PHKB: variants seen among roughly 807,000 people sequenced by gnomAD.
The protein encoded by PHKB is phosphorylase kinase regulatory subunit beta.
A neutral mutation model predicts 152.1 loss-of-function variants in PHKB; 122 were observed. The ratio of observed to expected loss-of-function variants is 0.80; its 90% CI spans 0.69 to 0.93. The LOEUF (loss-of-function observed/expected upper bound fraction) is 0.93. Ranked by LOEUF, PHKB falls within the 40% of genes least tolerant of loss-of-function variation. The pLI is 0.00. For missense variants in PHKB, 1,304 were observed against 1,328.4 expected, an observed-to-expected ratio of 0.98 and a Z score of 0.29; for synonymous variants, 436 against 464.9, an observed-to-expected ratio of 0.94 and a Z score of 0.80.
chr16:47,565,759 C>T, intron 7 of PHKB: 1 of 1,503,094 alleles, frequency 6.7e-7, no homozygotes, highest in Non-Finnish European at 9.2e-7. Context: ...TGCAACTTCT[C>T]TTGTTCCTTC....
At chr16:47,661,132 C>G (rs1410565391) in intron 22 of PHKB, among the ~76,000 whole-genome samples, 2 of 152,174 alleles carry the variant, frequency 1.3e-5, no homozygotes, top group Non-Finnish European at 2.9e-5. Flanking sequence ...TGCCCTCTTT[C>G]TCCCTTTCTG....
intron 14 of PHKB, among the ~76,000 whole-genome samples, chr16:47,623,938 C>T (rs1385206986): frequency 2.0e-5 from 3 of 152,108 alleles, no homozygotes; most frequent in Admixed American, 2.0e-4. Context: ...GTGTCCTATA[C>T]TTCTTAAGAA....
chr16:47,606,638 C>T lies in PHKB; in HGVS notation c.1364-4188C>T, dbSNP rs147005058. On this transcript the variant is annotated intron_variant, in intron 13 of 30. Coordinates refer to ENST00000323584, the MANE Select transcript of PHKB (RefSeq NM_000293.3). ...TGCGGACTTGCTGGGTTGGAAAATA[C>T]GCTCACTGTAAATTTGTGTAGATAA... Among the ~76,000 whole-genome samples, 135 of 152,218 alleles carry T rather than the reference C, an allele frequency of 8.9e-4. 2 individuals are homozygous for T. Among genetic ancestry groups the T allele is most frequent in the East Asian group, 6.0e-3 (31 of 5,178 alleles).
At chr16:47,467,538 G>T (rs1407184154) in intron 1 of PHKB, among the ~76,000 whole-genome samples, 1 of 152,130 alleles carries the variant, frequency 6.6e-6, no homozygotes, top group Non-Finnish European at 1.5e-5. Flanking sequence ...GCTTCATGTA[G>T]CATGGAATTC....
chr16:47,542,539 A>T (rs1971078864), intron 6 of PHKB, among the ~76,000 whole-genome samples: 1 of 152,174 alleles, frequency 6.6e-6, no homozygotes, highest in Non-Finnish European at 1.5e-5. Context: ...CTGTGAAGAA[A>T]GTCCTTGGCA....
At chr16:47,575,239 T>C (rs961182857) in intron 7 of PHKB, among the ~76,000 whole-genome samples, 1 of 152,222 alleles carries the variant, frequency 6.6e-6, no homozygotes, top group African/African-American at 2.4e-5. Flanking sequence ...GGAACACTGA[T>C]ACATTGTTGG....
chr16:47,490,728 G>T (rs972777540), intron 1 of PHKB, among the ~76,000 whole-genome samples: 6 of 152,206 alleles, frequency 3.9e-5, no homozygotes, highest in African/African-American at 1.4e-4. Context: ...AAATTTTAAT[G>T]AAGCAAAAAC....
chr16:47,505,592 C>T (rs1313925088), intron 4 of PHKB: 1 of 152,192 alleles, frequency 6.6e-6, no homozygotes, highest in Non-Finnish European at 1.5e-5. Flanking sequence ...TAGTAGTATT[C>T]CCTTTCCCTT....
chr16:47,599,825 C>T (rs1226253756), intron 13 of PHKB, among the ~76,000 whole-genome samples: 3 of 152,344 alleles, frequency 2.0e-5, no homozygotes, highest in South Asian at 4.1e-4. Flanking sequence ...ATCTGGTTAA[C>T]AACCCACTGG....
intron 25 of PHKB, 99 bp from the exon 26 acceptor site, chr16:47,669,116 G>C: frequency 1.2e-6 from 1 of 847,522 alleles, no homozygotes; most frequent in Non-Finnish European, 2.0e-6. Flanking sequence ...CTTATATAGA[G>C]TAATTTCAGC....
Position 47,683,905 on chromosome 16 carries a change from C to T in PHKB, c.2631-5136C>T, listed in dbSNP as rs192913752. Among the ~76,000 whole-genome samples, 4 of 152,266 alleles carry T rather than the reference C, an allele frequency of 2.6e-5. No individual in the cohort carries two copies. The South Asian group carries it at 8.3e-4, about 32-fold the overall frequency. ...CTGTTCCTATTCGGCCATCTTGGCTCCACCTCCAATCATTTGTTTAACAGC... is the reference window on the plus strand; with the variant it reads ...CTGTTCCTATTCGGCCATCTTGGCTTCACCTCCAATCATTTGTTTAACAGC... On this transcript the variant is annotated intron_variant, in intron 26 of 30. Transcript: ENST00000323584.
intron 1 of PHKB, among the ~76,000 whole-genome samples, chr16:47,468,603 A>C (rs1163127060): frequency 6.6e-6 from 1 of 152,266 alleles, no homozygotes; most frequent in Non-Finnish European, 1.5e-5. Flanking sequence ...CAGTGAGCTG[A>C]GATCGTGCCA....
chr16:47,685,705 C>G (rs1973952467), intron 26 of PHKB, among the ~76,000 whole-genome samples: 1 of 151,464 alleles, frequency 6.6e-6, no homozygotes, highest in Admixed American at 6.6e-5. Context: ...ATTAGTTTGA[C>G]CAACAATTTT....
chr16:47,674,152 A>G (rs147100723), intron 26 of PHKB, among the ~76,000 whole-genome samples: 1,883 of 150,968 alleles, frequency 0.012, 23 homozygotes, highest in Non-Finnish European at 0.019. Flanking sequence ...GCCAGATGCC[A>G]GATTTTTTTT....
At chr16:47,617,770 A>T (rs1972544830) in intron 14 of PHKB, among the ~76,000 whole-genome samples, 2 of 152,166 alleles carry the variant, frequency 1.3e-5, no homozygotes. Context: ...CGGAAATGTG[A>T]TGGGAGTTTT....
intron 14 of PHKB, among the ~76,000 whole-genome samples, chr16:47,620,951 G>A (rs1007661352): frequency 6.6e-6 from 1 of 152,096 alleles, no homozygotes; most frequent in Non-Finnish European, 1.5e-5. Flanking sequence ...AGTTTAAAAT[G>A]GTATAAAGTG....
chr16:47,566,261 T>C lies in PHKB; in HGVS notation c.711-14034T>C, dbSNP rs1971564938. 8 of 866,262 alleles carry C rather than the reference T, an allele frequency of 9.2e-6. No homozygotes were observed. The Admixed American group carries it at 1.4e-4, about 15-fold the overall frequency. 53.7% of individuals were successfully genotyped at this position (866,262 alleles called of 1,614,324 possible). Reference sequence around the variant, plus strand: ...CAAAGCTATCATCACCTCTTCTAGGTGAGTAGTCATCAAAGCTGTCTGTGG... The same window carrying C: ...CAAAGCTATCATCACCTCTTCTAGGCGAGTAGTCATCAAAGCTGTCTGTGG... On this transcript the variant is annotated intron_variant, in intron 7 of 30. Transcript: ENST00000323584.
At chr16:47,675,959 A>T (rs947205392) in intron 26 of PHKB, 2 of 152,132 alleles carry the variant, frequency 1.3e-5, no homozygotes, top group African/African-American at 4.8e-5. Flanking sequence ...GTAAAAAGAT[A>T]CTTTTGTGTC....
chr16:47,608,560 A>C (rs1365226803), intron 13 of PHKB, among the ~76,000 whole-genome samples: 1 of 152,182 alleles, frequency 6.6e-6, no homozygotes, highest in Non-Finnish European at 1.5e-5. Context: ...AAAAACACAA[A>C]AATTAACCAG....
Sources: allele counts gnomAD v4.1 joint callset (sites outside exome capture counted in the v4.1 genomes callset), GRCh38; gene constraint gnomAD v4.1.1; transcripts MANE v1.5; gene names NCBI Gene and HGNC (gene_info 2026-07-23, HGNC 2026-07-21).